DNAL1: variants seen among roughly 807,000 people sequenced by gnomAD.
The protein encoded by DNAL1 is chromosome 14 open reading frame 168.
In DNAL1, 17 loss-of-function variants were observed where a neutral mutation model predicts 29.4. That is an observed-to-expected ratio of 0.58 (90% CI 0.40 to 0.87). The LOEUF (loss-of-function observed/expected upper bound fraction) is 0.87, where lower values mean the gene tolerates loss of function less well. DNAL1 is among the 40% of genes least tolerant of loss of function. DNAL1 has a pLI of 0.00. For missense variants in DNAL1, 188 were observed against 214.1 expected, an observed-to-expected ratio of 0.88 and a Z score of 0.76; for synonymous variants, 78 against 76.3, an observed-to-expected ratio of 1.02 and a Z score of -0.12.
rs369816401 is a variant in DNAL1 at position 73,666,960 on chromosome 14, CT to C, written c.209-4570del. 8.6e-3 allele frequency among the ~76,000 whole-genome samples: 1,245 copies of C among 144,312 alleles called. 21 individuals are homozygous for C. Among genetic ancestry groups the C allele is most frequent in the African/African-American group, 0.029 (1,132 of 39,672 alleles). The allele number at this position is 144,312 out of a possible 152,430, so 94.7% of individuals were successfully genotyped here. ...ACGACTCAGTTCTTGTATCCCTTCT[CT>C]TTTTTTTTTTTCATTTACTCCCTAG... On this transcript the variant is annotated intron_variant, in intron 4 of 7. Transcript: ENST00000553645.
At chr14:73,678,647 A>G (rs1462393978) in intron 5 of DNAL1, among the ~76,000 whole-genome samples, 2 of 151,012 alleles carry the variant, frequency 1.3e-5, no homozygotes, top group African/African-American at 2.4e-5. Context: ...TTCAATGTGT[A>G]TTTCTTTGTC....
At chr14:73,660,820 A>T (rs1461840386) in intron 3 of DNAL1, among the ~76,000 whole-genome samples, 1 of 152,208 alleles carries the variant, frequency 6.6e-6, no homozygotes, top group Non-Finnish European at 1.5e-5. Context: ...AGAAGGTTTT[A>T]TACCTCATAC....
At chr14:73,659,477 T>A (rs1330991270) in intron 3 of DNAL1, 1 of 152,106 alleles carries the variant, frequency 6.6e-6, no homozygotes, top group Non-Finnish European at 1.5e-5. Context: ...GTACAATATT[T>A]TTAGTACAGT....
chr14:73,676,495 T>G (rs1891736085), intron 5 of DNAL1, among the ~76,000 whole-genome samples: 2 of 152,162 alleles, frequency 1.3e-5, no homozygotes, highest in South Asian at 4.1e-4. Flanking sequence ...ACAAGCCATT[T>G]TTTCCTGTAA....
At chr14:73,670,745 A>AT (rs553810317) in intron 4 of DNAL1, among the ~76,000 whole-genome samples, 2,614 of 149,842 alleles carry the variant, frequency 0.017, 36 homozygotes, top group African/African-American at 0.032. Context: ...TTTTATTATT[A>AT]TTTTTTTTTG....
rs1221170340 is a variant in DNAL1 at position 73,691,999 on chromosome 14, T to C, written c.532+2484T>C. Among the ~76,000 whole-genome samples, 47 of 20,094 alleles carry C rather than the reference T, an allele frequency of 2.3e-3. No homozygotes were observed. The African/African-American group carries it at 0.032, about 13-fold the overall frequency. The allele number at this position is 20,094 out of a possible 152,430, so 13.2% of individuals were successfully genotyped here. A position where few individuals can be genotyped will look rare whatever the true frequency, so the allele number is the denominator to read the frequency against. On this transcript the variant is annotated intron_variant, in intron 7 of 7. Coordinates refer to ENST00000553645, the MANE Select transcript of DNAL1 (RefSeq NM_031427.4). ...GCGGTGAGCCACTGTGCCCAGACTT[T>C]TTTTTTTTTTTTTTTTGAGACAGAG...
chr14:73,657,206 G>C (rs901392181), intron 2 of DNAL1, among the ~76,000 whole-genome samples: 2 of 152,110 alleles, frequency 1.3e-5, no homozygotes, highest in Admixed American at 1.3e-4. Flanking sequence ...TTCTAGTTTT[G>C]TTTTGTTAAT....
chr14:73,651,150 T>C (rs1891105880), intron 1 of DNAL1: 1 of 152,242 alleles, frequency 6.6e-6, no homozygotes, highest in South Asian at 2.1e-4. Flanking sequence ...TTTTTCTGTT[T>C]CTTTTTCTTT....
At chr14:73,656,150 G>A (rs1041896169) in intron 2 of DNAL1, among the ~76,000 whole-genome samples, 2 of 152,014 alleles carry the variant, frequency 1.3e-5, no homozygotes, top group African/African-American at 4.8e-5. Flanking sequence ...GGTGTCTGAG[G>A]AAAATAGACA....
intron 7 of DNAL1, among the ~76,000 whole-genome samples, chr14:73,695,224 T>A (rs552272473): frequency 6.6e-6 from 1 of 150,798 alleles, no homozygotes; most frequent in South Asian, 2.1e-4. Flanking sequence ...GCCTGGCTAA[T>A]TTTTTTTATT....
rs879701423 is a variant in DNAL1, at chr14:73,667,154, C to CT, written c.209-4376dup. Among the ~76,000 whole-genome samples, 351 of 143,956 alleles carry CT rather than the reference C, an allele frequency of 2.4e-3. 1 individual carries two copies. The highest frequency in any genetic ancestry group is 6.7e-3 in the African/African-American group (264 of 39,514). The allele number at this position is 143,956 out of a possible 152,430, so 94.4% of individuals were successfully genotyped here. ...CATACTTCTTTTAAATTGATTTTTT[C>CT]TTTTTTTTTTTTAATTTAATTTTAT... On this transcript the variant is annotated intron_variant, in intron 4 of 7. Coordinates refer to ENST00000553645, the MANE Select transcript of DNAL1 (RefSeq NM_031427.4).
chr14:73,679,248 C>A (rs1236363940), intron 5 of DNAL1, among the ~76,000 whole-genome samples: 1 of 152,166 alleles, frequency 6.6e-6, no homozygotes, highest in African/African-American at 2.4e-5. Context: ...CCTGCCTCAC[C>A]CTCCCAAAGT....
intron 2 of DNAL1, among the ~76,000 whole-genome samples, chr14:73,655,431 G>A (rs1234830687): frequency 1.0e-4 from 15 of 149,108 alleles, no homozygotes; most frequent in African/African-American, 3.0e-4. Context: ...TGCAACCTCC[G>A]CCTCCCGGGT....
chr14:73,688,478 C>T lies in DNAL1; in HGVS notation c.392-897C>T, dbSNP rs181521435. ...AAAATACAAAAATACAAAAACATAG[C>T]CAGGTGTGGTGGTACATGCCTGTAG... On this transcript the variant is annotated intron_variant, in intron 6 of 7. Coordinates refer to ENST00000553645, the MANE Select transcript of DNAL1 (RefSeq NM_031427.4). Among the ~76,000 whole-genome samples the T allele has an allele frequency of 3.1e-3, 468 of 152,078 alleles. 1 individual carries two copies. The highest frequency in any genetic ancestry group is 6.2e-3 in the South Asian group (30 of 4,806).
intron 7 of DNAL1, among the ~76,000 whole-genome samples, chr14:73,691,481 G>A (rs563275618): frequency 6.6e-5 from 10 of 151,866 alleles, no homozygotes; most frequent in East Asian, 3.9e-4. Flanking sequence ...CCTGGGAGGC[G>A]GTGGTTGCAG....
At chr14:73,694,914 CCT>C (rs1487183925) in intron 7 of DNAL1, among the ~76,000 whole-genome samples, 1 of 152,072 alleles carries the variant, frequency 6.6e-6, no homozygotes, top group East Asian at 1.9e-4. Flanking sequence ...GTCTCGAACC[CCT>C]GACTTCAAGT....
chr14:73,677,611 C>T (rs1339703099), intron 5 of DNAL1, among the ~76,000 whole-genome samples: 3 of 150,264 alleles, frequency 2.0e-5, no homozygotes, highest in Admixed American at 2.0e-4. Flanking sequence ...GGCTGGAGTG[C>T]AGTGGCATGA....
At chr14:73,649,758 A>C (rs997158650) in intron 1 of DNAL1, among the ~76,000 whole-genome samples, 2 of 151,942 alleles carry the variant, frequency 1.3e-5, no homozygotes, top group Admixed American at 1.3e-4. Context: ...ATACTATATA[A>C]TTTTCTTATT....
intron 4 of DNAL1, among the ~76,000 whole-genome samples, chr14:73,669,396 C>T (rs1227186259): frequency 1.3e-5 from 2 of 152,118 alleles, no homozygotes; most frequent in African/African-American, 4.8e-5. Flanking sequence ...CCTGCCTCAG[C>T]CTCCCAAGTA....
Sources: allele counts gnomAD v4.1 joint callset (sites outside exome capture counted in the v4.1 genomes callset), GRCh38; gene constraint gnomAD v4.1.1; transcripts MANE v1.5; gene names NCBI Gene and HGNC (gene_info 2026-07-23, HGNC 2026-07-21).